Variants in ASIC2 observed in about 807,000 individuals in gnomAD.
ASIC2 encodes acid sensing ion channel subunit 2.
In ASIC2, 25 loss-of-function variants were observed where a neutral mutation model predicts 57.3. That is an observed-to-expected ratio of 0.44 (90% CI 0.32 to 0.61). The LOEUF (loss-of-function observed/expected upper bound fraction) is 0.61. ASIC2 is among the 20% of genes least tolerant of loss of function. The pLI is 0.06. For missense variants in ASIC2, 641 were observed against 738.1 expected (o/e 0.87, Z 1.52); for synonymous variants, 319 against 307.5 (o/e 1.04, Z -0.39).
At chr17:33,789,377 C>G (rs1844739) in intron 1 of ASIC2, among the ~76,000 whole-genome samples, 92,864 of 151,704 alleles carry the variant, frequency 0.61, 29,211 homozygotes, top group Non-Finnish European at 0.67. Context: ...ACATTGTTTT[C>G]CTCAATTCTC....
At position 33,558,240 on chromosome 17, in the gene ASIC2, C is replaced by T. The variant is rs568078838; in HGVS notation, c.556-446173G>A. On this transcript the variant is annotated intron_variant, in intron 1 of 9. Coordinates refer to the ASIC2 transcript ENST00000359872. ...CCACTACCAGTCCGACCCTGTGGGG[C>T]TGGACCCTACACTATGGATCAGAGT... Among the ~76,000 whole-genome samples the T allele has an allele frequency of 3.3e-5, 5 of 152,222 alleles. No homozygotes were observed. The East Asian group carries it at 7.7e-4, about 24-fold the overall frequency.
intron 1 of ASIC2, among the ~76,000 whole-genome samples, chr17:33,336,948 T>A (rs1907537417): frequency 1.3e-5 from 2 of 152,096 alleles, no homozygotes; most frequent in Admixed American, 6.6e-5. Context: ...GCAGAAATAT[T>A]CCTAGAGCAG....
intron 1 of ASIC2, among the ~76,000 whole-genome samples, chr17:33,959,155 A>G (rs1448652014): frequency 2.6e-5 from 4 of 151,992 alleles, no homozygotes; most frequent in Non-Finnish European, 4.4e-5. Flanking sequence ...ACTTTCCCAC[A>G]TTTTCATGTC....
chr17:33,295,833 G>T (rs1209475072), upstream of ASIC2, among the ~76,000 whole-genome samples: 2 of 152,150 alleles, frequency 1.3e-5, no homozygotes, highest in African/African-American at 4.8e-5. Flanking sequence ...TGCGGGGGAG[G>T]TATTTTGGCC....
intron 2 of ASIC2, among the ~76,000 whole-genome samples, chr17:33,107,966 G>A (rs1351974352): frequency 6.6e-6 from 1 of 152,178 alleles, no homozygotes; most frequent in Non-Finnish European, 1.5e-5. Flanking sequence ...TGGGATATTT[G>A]GAATAATCTC....
At chr17:33,625,270 A>G (rs1905949756) in intron 1 of ASIC2, among the ~76,000 whole-genome samples, 1 of 151,964 alleles carries the variant, frequency 6.6e-6, no homozygotes, top group Non-Finnish European at 1.5e-5. Flanking sequence ...CATCTCTTGC[A>G]GTAGAGGAAG....
intron 1 of ASIC2, among the ~76,000 whole-genome samples, chr17:34,130,149 T>G (rs542209347): frequency 6.6e-6 from 1 of 152,348 alleles, no homozygotes; most frequent in African/African-American, 2.4e-5. Context: ...ATTAGAGACA[T>G]GAAGAAAGAC....
In ASIC2 at chr17:33,166,543, C is replaced by T. The variant is rs140159770; in HGVS notation, c.709-54476G>A. 3.3e-5 allele frequency among the ~76,000 whole-genome samples: 5 copies of T among 152,296 alleles called. No individual in the cohort carries two copies. The East Asian group carries it at 7.7e-4, about 24-fold the overall frequency. On this transcript the variant is annotated intron_variant, in intron 1 of 9. Transcript: ENST00000225823. ...TGGAGTCCCTGAACTCTGCCCCCTC[C>T]CTAACTGCAGGTGTTATTGAGGTCC...
intron 1 of ASIC2, among the ~76,000 whole-genome samples, chr17:34,022,134 G>T (rs1167742055): frequency 6.6e-6 from 1 of 152,142 alleles, no homozygotes; most frequent in African/African-American, 2.4e-5. Context: ...TACTCCAGGT[G>T]ATTTTTATGT....
chr17:33,370,541 G>C (rs1017392944), intron 1 of ASIC2, among the ~76,000 whole-genome samples: 6 of 152,210 alleles, frequency 3.9e-5, no homozygotes, highest in African/African-American at 1.4e-4. Context: ...ACCAAAGCAA[G>C]GTCTGTTACT....
At chr17:33,782,014 A>G (rs1024875016) in intron 1 of ASIC2, among the ~76,000 whole-genome samples, 1 of 152,098 alleles carries the variant, frequency 6.6e-6, no homozygotes, top group Non-Finnish European at 1.5e-5. Flanking sequence ...GCCTCTTGCA[A>G]TGCATTCTCC....
chr17:34,123,708 T>C (rs552029309), intron 1 of ASIC2, among the ~76,000 whole-genome samples: 1 of 152,344 alleles, frequency 6.6e-6, no homozygotes, highest in South Asian at 2.1e-4. Flanking sequence ...GGTCTCCTGC[T>C]TCTTAGGATC....
chr17:34,010,152 A>C (rs940819282), intron 1 of ASIC2, among the ~76,000 whole-genome samples: 7 of 152,130 alleles, frequency 4.6e-5, no homozygotes, highest in African/African-American at 1.7e-4. Flanking sequence ...GTCAGCCCTT[A>C]ACTATTGGGC....
At chr17:33,335,071 T>C (rs1314636503) in intron 1 of ASIC2, among the ~76,000 whole-genome samples, 1 of 152,202 alleles carries the variant, frequency 6.6e-6, no homozygotes. Context: ...GCAGCTGGAT[T>C]CAAAAGAGAC....
At chr17:33,590,782 G>T (rs1040093128) in intron 1 of ASIC2, among the ~76,000 whole-genome samples, 1 of 152,214 alleles carries the variant, frequency 6.6e-6, no homozygotes, top group African/African-American at 2.4e-5. Flanking sequence ...AGGAAGCCAG[G>T]CTGCCGTTTT....
At chr17:33,233,654 G>A (rs993413382) in intron 1 of ASIC2, among the ~76,000 whole-genome samples, 4 of 151,814 alleles carry the variant, frequency 2.6e-5, no homozygotes, top group African/African-American at 9.7e-5. Context: ...AGGCTGGGTG[G>A]ATGTAGGCCA....
At chr17:33,063,714 G>A (rs1219575765) in intron 3 of ASIC2, among the ~76,000 whole-genome samples, 1 of 152,200 alleles carries the variant, frequency 6.6e-6, no homozygotes, top group African/African-American at 2.4e-5. Flanking sequence ...GGCCTGCCTT[G>A]CTAGGTTGGG....
At chr17:33,265,347 G>A (rs925402439) in intron 1 of ASIC2, among the ~76,000 whole-genome samples, 5 of 152,222 alleles carry the variant, frequency 3.3e-5, no homozygotes, top group Non-Finnish European at 5.9e-5. Flanking sequence ...AAGAGATCAT[G>A]TCCTTTACAT....
At chr17:33,453,197 G>A (rs1912325928) in intron 1 of ASIC2, among the ~76,000 whole-genome samples, 1 of 151,158 alleles carries the variant, frequency 6.6e-6, no homozygotes, top group Non-Finnish European at 1.5e-5. Flanking sequence ...GAGAAAGCCT[G>A]TGTTTTTGGA....
Sources: allele counts gnomAD v4.1 joint callset (sites outside exome capture counted in the v4.1 genomes callset), GRCh38; gene constraint gnomAD v4.1.1; transcripts MANE v1.5; gene names NCBI Gene and HGNC (gene_info 2026-07-23, HGNC 2026-07-21).